The following ODR4 variants were observed in gnomAD, a reference collection of about 807,000 sequenced individuals.
ODR4 encodes protein odr-4 homolog.
Under a neutral mutation model 60.2 loss-of-function variants are expected in ODR4, and 47 were observed. The ratio of observed to expected loss-of-function variants is 0.78; its 90% CI spans 0.62 to 1.00. ODR4 has a LOEUF of 1.00. Among genes scored for constraint, ODR4 ranks in the 50% least tolerant of loss-of-function variants. The pLI is 0.00. For missense variants in ODR4, 488 were observed against 530.8 expected, an observed-to-expected ratio of 0.92 and a Z score of 0.79; for synonymous variants, 178 against 175.5, an observed-to-expected ratio of 1.01 and a Z score of -0.11.
At chr1:186,433,467 A>G in the ODR4 span, among the ~76,000 whole-genome samples, 9 of 152,204 alleles carry the variant, frequency 5.9e-5, no homozygotes, top group Admixed American at 3.3e-4. Flanking sequence ...CTAAAGAGTA[A>G]TTTGTCTTAC....
chr1:186,393,644 A>G (rs1660553705), intron 8 of ODR4, among the ~76,000 whole-genome samples: 1 of 152,248 alleles, frequency 6.6e-6, no homozygotes. Context: ...ACATAAGTGA[A>G]TGATCCTGGT....
At chr1:186,409,011 A>T (rs1661275034) in intron 12 of ODR4, among the ~76,000 whole-genome samples, 1 of 75,448 alleles carries the variant, frequency 1.3e-5, no homozygotes, top group Admixed American at 1.7e-4. Flanking sequence ...TTTAACAAAC[A>T]GTTAGTAACA....
At position 186,408,444 on chromosome 1, in the gene ODR4, A is replaced by G. The variant is rs1246663672; in HGVS notation, c.1186+2176A>G. 4.0e-5 allele frequency among the ~76,000 whole-genome samples: 6 copies of G among 151,680 alleles called. No homozygotes were observed. In the East Asian group the frequency reaches 1.2e-3, roughly 29 times the overall value. On this transcript the variant is annotated intron_variant, in intron 12 of 13. Coordinates refer to ENST00000287859, the MANE Select transcript of ODR4 (RefSeq NM_017847.6). ...GTTTAATTTCATCTAGATTATGTCA[A>G]TATAATTTCTCATTTGTTGGCTGGA...
chr1:186,384,893 A>G (rs921759774), intron 3 of ODR4, among the ~76,000 whole-genome samples: 3 of 152,150 alleles, frequency 2.0e-5, no homozygotes, highest in Non-Finnish European at 4.4e-5. Context: ...CTAATTTTCT[A>G]AGACTGTACT....
intron 6 of ODR4, among the ~76,000 whole-genome samples, chr1:186,390,202 TG>T (rs1465090444): frequency 6.6e-6 from 1 of 152,216 alleles, no homozygotes; most frequent in Non-Finnish European, 1.5e-5. Context: ...TAAAAGTGAC[TG>T]AGGACTTTTG....
chr1:186,400,782 A>G lies in ODR4; in HGVS notation c.1000+1738A>G, dbSNP rs1289789037. ...TATCCTTCTCGTAATTCACAACCCT[A>G]AAGTTCCATTTACTAATAATTTATA... On this transcript the variant is annotated intron_variant, in intron 11 of 13. Transcript: ENST00000287859. 1.2e-5 allele frequency: 4 copies of G among 330,584 alleles called. No individual in the cohort carries two copies. The East Asian group carries it at 2.6e-4, about 21-fold the overall frequency. 20.5% of individuals were successfully genotyped at this position (330,584 alleles called of 1,614,324 possible).
chr1:186,415,874 C>CTTTAT, intron 12 of ODR4, among the ~76,000 whole-genome samples: 1 of 152,276 alleles, frequency 6.6e-6, no homozygotes, highest in South Asian at 2.1e-4. Flanking sequence ...CTGTGATGGT[C>CTTTAT]GAAATGCACT....
downstream of ODR4, among the ~76,000 whole-genome samples, chr1:186,425,936 C>T (rs1191228247): frequency 6.6e-6 from 1 of 152,142 alleles, no homozygotes; most frequent in Non-Finnish European, 1.5e-5. Flanking sequence ...TTTCTCTCTT[C>T]TCCTGTTTGA....
Position 186,391,792 on chromosome 1 carries a change from GTAAGT to G in ODR4, c.711+6_711+10del, listed in dbSNP as rs752460086. 21 of 1,541,566 alleles carry G rather than the reference GTAAGT, an allele frequency of 1.4e-5. No homozygotes were observed. In the East Asian group the frequency reaches 1.8e-4, roughly 13 times the overall value. On this transcript the variant is annotated splice_donor_variant and splice_donor_5th_base_variant and intron_variant, in intron 8 of 13. Transcript: ENST00000287859. LOFTEE classifies it high-confidence loss of function. ...AGATTGTGACCTATTAGAAGGACAG[GTAAGT>G]TAAGAGAAAATCATCTTATTAAATT...
At chr1:186,428,104 C>A in the ODR4 span, among the ~76,000 whole-genome samples, 4 of 152,326 alleles carry the variant, frequency 2.6e-5, no homozygotes, top group Admixed American at 2.6e-4. Context: ...GCCCCTAAAA[C>A]AAGAGTCCGT....
At chr1:186,425,374 A>C (rs760515846), downstream of ODR4, among the ~76,000 whole-genome samples, 2 of 152,206 alleles carry the variant, frequency 1.3e-5, no homozygotes, top group Non-Finnish European at 2.9e-5. Context: ...GTTCATAGCA[A>C]TTCTGAACTC....
intron 11 of ODR4, among the ~76,000 whole-genome samples, chr1:186,403,787 A>G (rs986100534): frequency 6.6e-6 from 1 of 152,130 alleles, no homozygotes; most frequent in African/African-American, 2.4e-5. Context: ...ATCCTGCTCA[A>G]CTTATTCTCA....
At chr1:186,431,829 G>C in the ODR4 span, among the ~76,000 whole-genome samples, 1 of 152,288 alleles carries the variant, frequency 6.6e-6, no homozygotes, top group South Asian at 2.1e-4. Context: ...TGATTTTAGA[G>C]AGCAAGGAAG....
intron 11 of ODR4, among the ~76,000 whole-genome samples, chr1:186,401,626 A>T (rs377221803): frequency 1.4e-5 from 2 of 138,480 alleles, no homozygotes; most frequent in African/African-American, 5.8e-5. Context: ...ATGATCACAT[A>T]GTTTTTGACA....
chr1:186,375,995 T>TGTA, intron 1 of ODR4, 21 bp downstream of exon 1: 1 of 155,990 alleles, frequency 6.4e-6, no homozygotes, highest in Non-Finnish European at 1.4e-5. Context: ...CTAAGTGTAG[T>TGTA]GTGTGTGTGT....
chr1:186,410,674 A>G lies in ODR4; in HGVS notation c.1186+4406A>G, dbSNP rs369753543. On this transcript the variant is annotated intron_variant, in intron 12 of 13. Transcript: ENST00000287859. ...GAAAAAAGTCTCTATTATAGGCATT[A>G]GCAGTAATCTATAATATACAGTAAC... Among the ~76,000 whole-genome samples, 24 of 152,360 alleles carry G rather than the reference A, an allele frequency of 1.6e-4. No individual in the cohort carries two copies. In the East Asian group the frequency reaches 2.7e-3, roughly 17 times the overall value.
At chr1:186,431,772 A>G in the ODR4 span, among the ~76,000 whole-genome samples, 1 of 152,228 alleles carries the variant, frequency 6.6e-6, no homozygotes, top group Non-Finnish European at 1.5e-5. Context: ...AATGGCAAAG[A>G]TGTGGAAGGA....
At chr1:186,381,662 A>G (rs957218155) in intron 2 of ODR4, among the ~76,000 whole-genome samples, 3 of 152,190 alleles carry the variant, frequency 2.0e-5, no homozygotes, top group Non-Finnish European at 2.9e-5. Flanking sequence ...ATGCTGTAGT[A>G]TGTATTGCTC....
downstream of ODR4, among the ~76,000 whole-genome samples, chr1:186,422,185 CTT>C (rs1661802286): frequency 6.6e-6 from 1 of 151,560 alleles, no homozygotes; most frequent in Non-Finnish European, 1.5e-5. Flanking sequence ...ATACTAAAAA[CTT>C]GTGTAGCTTT....
Sources: gnomAD v4.1 joint callset for allele counts (sites outside exome capture counted in the v4.1 genomes callset) on GRCh38, gnomAD v4.1.1 for gene constraint, MANE v1.5 for transcripts, NCBI Gene and HGNC (gene_info 2026-07-23, HGNC 2026-07-21) for gene names.